The following NRG1 variants were observed in gnomAD, a reference collection of about 807,000 sequenced individuals.
NRG1 encodes neuregulin 1.
NRG1 carries 18 observed loss-of-function variants against 63.8 expected under a neutral mutation model. The observed-to-expected ratio is 0.28, with a 90% CI of 0.19 to 0.42. NRG1 has a LOEUF of 0.42. Among genes scored for constraint, NRG1 ranks in the 10% least tolerant of loss-of-function variants. NRG1 has a pLI of 1.00. For missense variants in NRG1, 762 were observed against 814.7 expected, an observed-to-expected ratio of 0.94 and a Z score of 0.79; for synonymous variants, 302 against 301.3, an observed-to-expected ratio of 1.00 and a Z score of -0.02.
At chr8:31,860,796 A>G (rs148602847) in intron 1 of NRG1, among the ~76,000 whole-genome samples, 1 of 152,290 alleles carries the variant, frequency 6.6e-6, no homozygotes, top group East Asian at 1.9e-4. Context: ...TCAGAGTCCC[A>G]TTTCAACTTA....
chr8:32,692,897 G>T (rs1812176766), intron 5 of NRG1, among the ~76,000 whole-genome samples: 1 of 152,100 alleles, frequency 6.6e-6, no homozygotes, highest in South Asian at 2.1e-4. Flanking sequence ...CAGGGGTCCT[G>T]CCACCTGACA....
intron 1 of NRG1, among the ~76,000 whole-genome samples, chr8:32,526,828 C>G (rs1183752461): frequency 6.6e-6 from 1 of 152,162 alleles, no homozygotes; most frequent in East Asian, 1.9e-4. Context: ...CATCTCTTGT[C>G]TCTGACTCAC....
At chr8:32,648,976 T>C (rs1478464652) in intron 5 of NRG1, among the ~76,000 whole-genome samples, 1 of 152,230 alleles carries the variant, frequency 6.6e-6, no homozygotes. Context: ...AGACGACTGC[T>C]GTCCTGCCCA....
intron 1 of NRG1, among the ~76,000 whole-genome samples, chr8:32,130,950 A>AGAGCC: frequency 6.6e-6 from 1 of 152,108 alleles, no homozygotes; most frequent in Admixed American, 6.6e-5. Context: ...AGTCTAAATT[A>AGAGCC]GAGCCCTTTA....
intron 2 of NRG1, 24 bp from the exon 3 acceptor site, chr8:32,605,538 A>G: frequency 6.2e-7 from 1 of 1,612,126 alleles, no homozygotes; most frequent in Non-Finnish European, 8.5e-7. Context: ...ATATACTGAC[A>G]CCACTTTGGT....
chr8:31,870,421 A>G (rs958731057), intron 1 of NRG1, among the ~76,000 whole-genome samples: 14 of 152,264 alleles, frequency 9.2e-5, no homozygotes, highest in Admixed American at 2.0e-4. Context: ...AAAATGAGTG[A>G]GTGTTCAAGA....
chr8:32,724,659 T>C (rs528099397), intron 5 of NRG1, among the ~76,000 whole-genome samples: 1 of 152,286 alleles, frequency 6.6e-6, no homozygotes, highest in African/African-American at 2.4e-5. Context: ...AATTACAACT[T>C]ATTCCTGTGC....
At chr8:31,673,826 T>C (rs1311332382) in intron 1 of NRG1, among the ~76,000 whole-genome samples, 3 of 152,156 alleles carry the variant, frequency 2.0e-5, no homozygotes, top group Non-Finnish European at 4.4e-5. Context: ...TACCATAAAA[T>C]TCTCCTTTAA....
chr8:31,983,740 G>C (rs1269058941), intron 1 of NRG1, among the ~76,000 whole-genome samples: 2 of 151,992 alleles, frequency 1.3e-5, no homozygotes, highest in Admixed American at 1.3e-4. Flanking sequence ...GTGAATGATA[G>C]AGCAGTATCA....
chr8:32,420,819 T>C (rs1816619533), intron 1 of NRG1, among the ~76,000 whole-genome samples: 1 of 152,210 alleles, frequency 6.6e-6, no homozygotes, highest in Admixed American at 6.6e-5. Flanking sequence ...GTAGTCCTCA[T>C]AATCCCCATG....
intron 1 of NRG1, among the ~76,000 whole-genome samples, chr8:32,255,000 A>C (rs952874424): frequency 1.3e-5 from 2 of 152,172 alleles, no homozygotes; most frequent in African/African-American, 4.8e-5. Context: ...GTTTTATCAG[A>C]GACTAGGATT....
chr8:32,238,337 T>C (rs1586299588), intron 1 of NRG1, among the ~76,000 whole-genome samples: 1 of 151,694 alleles, frequency 6.6e-6, no homozygotes, highest in Non-Finnish European at 1.5e-5. Flanking sequence ...CATGCACCTA[T>C]AGTCCCAGCT....
Position 31,774,977 on chromosome 8 carries a change from T to C in NRG1, c.37+135546T>C, listed in dbSNP as rs1818977120. The stretch of plus-strand genomic sequence containing the variant: ...GAGGATGCAGAAAAAACAGAACCAT[T>C]ATACATTGTTGGTGGGAAGGTAAAT... On this transcript the variant is annotated intron_variant, in intron 1 of 10. Coordinates refer to the NRG1 transcript ENST00000519301. 2.0e-5 allele frequency among the ~76,000 whole-genome samples: 3 copies of C among 152,222 alleles called. No individual in the cohort carries two copies. The East Asian group carries it at 5.8e-4, about 29-fold the overall frequency.
At chr8:31,644,126 G>A (rs1179786959) in intron 1 of NRG1, among the ~76,000 whole-genome samples, 1 of 152,128 alleles carries the variant, frequency 6.6e-6, no homozygotes, top group East Asian at 1.9e-4. Context: ...TTTCCAGTCA[G>A]CATTAAAGAA....
chr8:32,577,189 GTA>G (rs1839822825), intron 1 of NRG1, among the ~76,000 whole-genome samples: 1 of 152,168 alleles, frequency 6.6e-6, no homozygotes, highest in South Asian at 2.1e-4. Flanking sequence ...TCCACAGTGT[GTA>G]TATACTACAT....
chr8:32,650,619 T>A (rs1057165146), intron 5 of NRG1, among the ~76,000 whole-genome samples: 2 of 145,666 alleles, frequency 1.4e-5, no homozygotes, highest in Non-Finnish European at 3.0e-5. Flanking sequence ...TTTTTGTTGT[T>A]GTTTAAAAAG....
chr8:32,612,175 T>C (rs1295831648), intron 3 of NRG1, among the ~76,000 whole-genome samples: 4 of 152,100 alleles, frequency 2.6e-5, no homozygotes, highest in Non-Finnish European at 4.4e-5. Flanking sequence ...TGGGAAAATA[T>C]GTTGCTTAAA....
At chr8:31,861,238 C>T (rs929775085) in intron 1 of NRG1, among the ~76,000 whole-genome samples, 2 of 152,108 alleles carry the variant, frequency 1.3e-5, no homozygotes, top group African/African-American at 4.8e-5. Context: ...CCTGGTACTT[C>T]AATACTGAGT....
chr8:32,498,222 A>G (rs1254046870), intron 1 of NRG1, among the ~76,000 whole-genome samples: 4 of 152,220 alleles, frequency 2.6e-5, no homozygotes, highest in African/African-American at 7.2e-5. Flanking sequence ...CTTCTTAACC[A>G]AGGAAAGAGG....
Sources: allele counts gnomAD v4.1 joint callset (sites outside exome capture counted in the v4.1 genomes callset), GRCh38; gene constraint gnomAD v4.1.1; transcripts MANE v1.5; gene names NCBI Gene and HGNC (gene_info 2026-07-23, HGNC 2026-07-21).